FGF14: variants seen among roughly 807,000 people sequenced by gnomAD.
The protein encoded by FGF14 is fibroblast growth factor 14.
Under a neutral mutation model 25.5 loss-of-function variants are expected in FGF14, and 5 were observed. That is an observed-to-expected ratio of 0.20 (90% CI 0.10 to 0.41). FGF14 has a LOEUF of 0.41. Ranked by LOEUF, FGF14 falls within the 10% of genes least tolerant of loss-of-function variation. The pLI, the probability that FGF14 is intolerant of heterozygous loss-of-function variation, is 1.00. For synonymous variants in FGF14, 138 were observed against 118.3 expected (o/e 1.17, Z -1.08); for missense variants, 222 against 320.1 (o/e 0.69, Z 2.34).
At chr13:101,728,658 T>C (rs34366121) in intron 3 of FGF14, among the ~76,000 whole-genome samples, 54,822 of 151,720 alleles carry the variant, frequency 0.36, 10,183 homozygotes, top group East Asian at 0.51. Flanking sequence ...CTTGTCTTTT[T>C]ACTGAGACAG....
chr13:102,397,807 T>A (rs1306051988), intron 1 of FGF14, among the ~76,000 whole-genome samples: 1 of 152,324 alleles, frequency 6.6e-6, no homozygotes, highest in Middle Eastern at 3.4e-3. Context: ...ATTATATACA[T>A]TGGTCAATCC....
intron 1 of FGF14, among the ~76,000 whole-genome samples, chr13:102,230,335 G>A (rs2051022261): frequency 6.6e-6 from 1 of 152,180 alleles, no homozygotes; most frequent in Non-Finnish European, 1.5e-5. Flanking sequence ...TGAAAGAACA[G>A]ACTAAGACAG....
chr13:102,186,888 A>T (rs975235160), intron 1 of FGF14, among the ~76,000 whole-genome samples: 1 of 152,180 alleles, frequency 6.6e-6, no homozygotes, highest in East Asian at 1.9e-4. Flanking sequence ...TTATACATGT[A>T]GTGCACATAC....
In FGF14 at chr13:101,916,787, A is replaced by C; in HGVS notation, c.-142T>G. On this transcript the variant is annotated 5_prime_UTR_variant, in exon 1 of 5. Coordinates refer to ENST00000376143, the MANE Select transcript of FGF14 (RefSeq NM_004115.4). ...GCCAGGCGGGACTGGGGAGAGGGGA[A>C]GGGGGGCTCAGTCCTGACCGGGACC... 1.4e-6 allele frequency: 1 copy of C among 710,548 alleles called. No individual in the cohort carries two copies. Among genetic ancestry groups the C allele is most frequent in the East Asian group, 2.9e-5 (1 of 34,786 alleles). The allele number at this position is 710,548 out of a possible 1,614,324, so 44.0% of individuals were successfully genotyped here. A position where few individuals can be genotyped will look rare whatever the true frequency, so the allele number is the denominator to read the frequency against.
chr13:101,758,054 G>A (rs937137977), intron 3 of FGF14, among the ~76,000 whole-genome samples: 2 of 152,026 alleles, frequency 1.3e-5, no homozygotes, highest in Non-Finnish European at 2.9e-5. Flanking sequence ...GGCAACCTGT[G>A]GATTCTCTTG....
chr13:102,100,854 C>T (rs1254321728), intron 1 of FGF14, among the ~76,000 whole-genome samples: 1 of 152,182 alleles, frequency 6.6e-6, no homozygotes, highest in African/African-American at 2.4e-5. Context: ...AATCCCAACA[C>T]TTTGGGAGGC....
intron 1 of FGF14, among the ~76,000 whole-genome samples, chr13:102,114,426 G>A (rs1458336620): frequency 6.6e-6 from 1 of 152,006 alleles, no homozygotes; most frequent in African/African-American, 2.4e-5. Context: ...GTAGTCCCAC[G>A]GTTTATTTTT....
At chr13:102,163,490 G>A (rs560458693) in intron 1 of FGF14, among the ~76,000 whole-genome samples, 3 of 152,122 alleles carry the variant, frequency 2.0e-5, no homozygotes, top group East Asian at 1.9e-4. Context: ...AAGGAAGGCC[G>A]TGTAAACCCA....
intron 2 of FGF14, among the ~76,000 whole-genome samples, chr13:101,870,770 A>G (rs900871254): frequency 1.3e-5 from 2 of 152,084 alleles, no homozygotes; most frequent in African/African-American, 2.4e-5. Flanking sequence ...CCTGACCAAC[A>G]TGGTGAAACC....
chr13:101,935,709 A>AT (rs1024347446), intron 1 of FGF14, among the ~76,000 whole-genome samples: 10 of 152,114 alleles, frequency 6.6e-5, no homozygotes, highest in African/African-American at 1.9e-4. Flanking sequence ...AGTGTCAGGT[A>AT]TTTTTTCACA....
chr13:101,962,950 A>G (rs1452651208), intron 1 of FGF14, among the ~76,000 whole-genome samples: 1 of 152,172 alleles, frequency 6.6e-6, no homozygotes, highest in East Asian at 1.9e-4. Context: ...GTTAACTGTT[A>G]TTACTATATT....
At chr13:102,050,342 A>G (rs1050075869) in intron 1 of FGF14, among the ~76,000 whole-genome samples, 7 of 152,194 alleles carry the variant, frequency 4.6e-5, no homozygotes, top group Non-Finnish European at 1.0e-4. Context: ...GCAAAGAAAC[A>G]AAACTATATA....
intron 1 of FGF14, among the ~76,000 whole-genome samples, chr13:102,118,927 G>A (rs547737729): frequency 3.8e-4 from 58 of 151,994 alleles, no homozygotes; most frequent in African/African-American, 9.4e-4. Flanking sequence ...TTACCTTTAC[G>A]TTGCTGGAGT....
intron 1 of FGF14, among the ~76,000 whole-genome samples, chr13:102,038,177 T>C (rs1464436563): frequency 6.6e-6 from 1 of 152,184 alleles, no homozygotes; most frequent in East Asian, 1.9e-4. Context: ...TGATCATAAA[T>C]CCATTCTAAA....
intron 1 of FGF14, among the ~76,000 whole-genome samples, chr13:102,391,519 T>TTAA (rs2058432690): frequency 2.6e-5 from 4 of 152,336 alleles, no homozygotes; most frequent in African/African-American, 9.6e-5. Flanking sequence ...CTTAACTGCA[T>TTAA]CATTAAAATA....
chr13:101,917,429 C>T (rs1485424990), upstream of FGF14, among the ~76,000 whole-genome samples: 2 of 152,014 alleles, frequency 1.3e-5, no homozygotes, highest in East Asian at 3.9e-4. Context: ...GCTAAGAGGC[C>T]GAGCCAAAGC....
At chr13:101,960,012 T>G (rs2036747672) in intron 1 of FGF14, among the ~76,000 whole-genome samples, 1 of 152,264 alleles carries the variant, frequency 6.6e-6, no homozygotes, top group South Asian at 2.1e-4. Context: ...TTTTCATCTA[T>G]GTTATAGTAA....
intron 1 of FGF14, among the ~76,000 whole-genome samples, chr13:102,297,015 A>G (rs1594767879): frequency 6.6e-6 from 1 of 152,150 alleles, no homozygotes; most frequent in Admixed American, 6.5e-5. Flanking sequence ...AACAACAAAA[A>G]AAGTAATTTT....
chr13:102,319,485 C>A (rs1182751878), intron 1 of FGF14, among the ~76,000 whole-genome samples: 1 of 152,334 alleles, frequency 6.6e-6, no homozygotes, highest in East Asian at 1.9e-4. Context: ...CCCACCAGCA[C>A]ACAGCAGTGC....
Sources: gnomAD v4.1 joint callset for allele counts (sites outside exome capture counted in the v4.1 genomes callset) on GRCh38, gnomAD v4.1.1 for gene constraint, MANE v1.5 for transcripts, NCBI Gene and HGNC (gene_info 2026-07-23, HGNC 2026-07-21) for gene names.